TLL2: variants seen among roughly 807,000 people sequenced by gnomAD.
TLL2 encodes tolloid like 2.
Under a neutral mutation model 123.0 loss-of-function variants are expected in TLL2, and 106 were observed. The ratio of observed to expected loss-of-function variants is 0.86; its 90% CI spans 0.74 to 1.01. TLL2 has a LOEUF of 1.01. Ranked by LOEUF, TLL2 falls within the 50% of genes least tolerant of loss-of-function variation. The pLI, the probability that TLL2 is intolerant of heterozygous loss-of-function variation, is 0.00. For synonymous variants in TLL2, 494 were observed against 516.8 expected, an observed-to-expected ratio of 0.96 and a Z score of 0.60; for missense variants, 1,332 against 1,336.7, an observed-to-expected ratio of 1.00 and a Z score of 0.06.
chr10:96,383,834 T>C (rs1329855094), intron 16 of TLL2, among the ~76,000 whole-genome samples: 5 of 150,114 alleles, frequency 3.3e-5, no homozygotes, highest in Non-Finnish European at 7.4e-5. Context: ...CGTTTCACCA[T>C]GTTGGCCAGG....
In TLL2 at chr10:96,487,328, C is replaced by T. The variant is rs376503380; in HGVS notation, c.176-6869G>A. Among the ~76,000 whole-genome samples, 6 of 152,202 alleles carry T rather than the reference C, an allele frequency of 3.9e-5. No homozygotes were observed. The South Asian group carries it at 6.2e-4, about 16-fold the overall frequency. ...CTGGTTCCTGTCTCTCTCCCTCCCC[C>T]ACCTGTCCTCATCCAGAAGACCCCA... On this transcript the variant is annotated intron_variant, in intron 1 of 20. Coordinates refer to ENST00000357947, the MANE Select transcript of TLL2 (RefSeq NM_012465.4).
intron 1 of TLL2, among the ~76,000 whole-genome samples, chr10:96,511,192 G>C (rs772106687): frequency 6.6e-6 from 1 of 152,170 alleles, no homozygotes; most frequent in Non-Finnish European, 1.5e-5. Context: ...AGAATGGGAG[G>C]CTGCCCCTAA....
chr10:96,471,132 C>T (rs1234137478), intron 2 of TLL2, among the ~76,000 whole-genome samples: 2 of 151,668 alleles, frequency 1.3e-5, no homozygotes, highest in Non-Finnish European at 2.9e-5. Context: ...CCCTGAGTAG[C>T]TGGGATTACA....
chr10:96,497,035 C>T (rs1193680886), intron 1 of TLL2, among the ~76,000 whole-genome samples: 4 of 151,878 alleles, frequency 2.6e-5, no homozygotes, highest in African/African-American at 9.7e-5. Flanking sequence ...AATCCCAGCA[C>T]TTTGGGAGGC....
chr10:96,480,484 T>C, intron 1 of TLL2, 25 bp from the exon 2 acceptor site: 1 of 1,566,482 alleles, frequency 6.4e-7, no homozygotes, highest in South Asian at 1.1e-5. Context: ...CATAAGTGGG[T>C]GAATTTATGC....
intron 2 of TLL2, among the ~76,000 whole-genome samples, chr10:96,476,980 G>A: frequency 6.7e-6 from 1 of 149,614 alleles, no homozygotes; most frequent in Non-Finnish European, 1.5e-5. Flanking sequence ...CTTTGGGGCT[G>A]GGATAACAGG....
At chr10:96,403,207 G>A (rs1244636077) in intron 10 of TLL2, among the ~76,000 whole-genome samples, 1 of 152,088 alleles carries the variant, frequency 6.6e-6, no homozygotes, top group African/African-American at 2.4e-5. Flanking sequence ...GTCTACTCCC[G>A]AGACACTGCA....
At chr10:96,476,240 A>ATATATATATATTTTTTTTTTTTTTTT in intron 2 of TLL2, among the ~76,000 whole-genome samples, 1 of 20,500 alleles carries the variant, frequency 4.9e-5, no homozygotes, top group Non-Finnish European at 1.0e-4. Flanking sequence ...ATATATATAT[A>ATATATATATATTTTTTTTTTTTTTTT]TTTTATTTTT....
At chr10:96,439,682 A>G (rs952297497) in intron 3 of TLL2, among the ~76,000 whole-genome samples, 15 of 152,280 alleles carry the variant, frequency 9.9e-5, no homozygotes, top group Non-Finnish European at 1.6e-4. Flanking sequence ...CTCTACTTGT[A>G]TAACGGGTTC....
Position 96,429,351 on chromosome 10 carries a change from A to G in TLL2, c.521-603T>C, listed in dbSNP as rs975532425. On this transcript the variant is annotated intron_variant, in intron 4 of 20. Transcript: ENST00000357947. ...GAATATATACAATTTTTATTTGTCA[A>G]TTAAATATTTTCAAAAAAAAAAAAA... Among the ~76,000 whole-genome samples, 8 of 114,532 alleles carry G rather than the reference A, an allele frequency of 7.0e-5. No individual in the cohort carries two copies. The East Asian group carries it at 1.6e-3, about 23-fold the overall frequency. The allele number at this position is 114,532 out of a possible 152,430, so 75.1% of individuals were successfully genotyped here. A position where few individuals can be genotyped will look rare whatever the true frequency, so the allele number is the denominator to read the frequency against.
intron 1 of TLL2, among the ~76,000 whole-genome samples, chr10:96,502,882 G>A (rs1214666529): frequency 6.6e-6 from 1 of 152,054 alleles, no homozygotes; most frequent in Non-Finnish European, 1.5e-5. Context: ...AAAGACTCAG[G>A]GCTGAACATC....
intron 1 of TLL2, among the ~76,000 whole-genome samples, chr10:96,510,905 G>A (rs1461270675): frequency 6.6e-6 from 1 of 152,162 alleles, no homozygotes; most frequent in African/African-American, 2.4e-5. Flanking sequence ...CAAGCTCTCT[G>A]GACATGTCAC....
chr10:96,448,024 C>T (rs1036553923), intron 2 of TLL2, among the ~76,000 whole-genome samples: 5 of 152,160 alleles, frequency 3.3e-5, no homozygotes, highest in African/African-American at 9.7e-5. Context: ...GAGACAGCCA[C>T]GTGGTCCCGC....
At chr10:96,512,721 C>T (rs1187146940) in intron 1 of TLL2, among the ~76,000 whole-genome samples, 3 of 152,270 alleles carry the variant, frequency 2.0e-5, no homozygotes, top group African/African-American at 7.2e-5. Context: ...CTTGCTGGAA[C>T]ATGCGCTTGG....
rs1846105107 is a variant in TLL2, at chr10:96,373,624, C to T, written c.2634G>A (p.Arg878=). The T allele has an allele frequency of 1.2e-6, 2 of 1,614,116 alleles. No homozygotes were observed. Among genetic ancestry groups the T allele is most frequent in the Non-Finnish European group, 1.7e-6 (2 of 1,180,054 alleles). The change falls in exon 19 of 21, where the codon AGG becomes AGA. Residue 878 remains arginine, a synonymous_variant. Coordinates refer to ENST00000357947, the MANE Select transcript of TLL2 (RefSeq NM_012465.4). ...TGCTGTGCACTGCCTGGAAGCCTTT[C>T]CTCTGCACTGAGGCATCCGAATAAA... The part of the protein sequence containing the change: ...LRFYSDASVQ[R]KGFQAVHSTE...
chr10:96,395,909 C>A lies in TLL2; in HGVS notation c.1496G>T (p.Gly499Val), dbSNP rs761189673. The stretch of plus-strand genomic sequence containing the variant: ...TTGGAAGGTAAGTCCCACGTGAAAC[C>A]CCTCTGAAACCGTAATCCTCCAGAC... ...ECVWRITVSE[G>V]FHVGLTFQAF... Residue 499 changes from glycine to valine, a missense_variant, in exon 12 of 21, where the codon GGG becomes GTG. By Grantham distance (109) the Gly-to-Val change is moderately radical. Transcript: ENST00000357947. 3.1e-6 allele frequency: 5 copies of A among 1,614,172 alleles called. No homozygotes were observed. The South Asian group carries it at 5.5e-5, about 18-fold the overall frequency.
At chr10:96,434,163 C>T (rs920942863) in intron 3 of TLL2, among the ~76,000 whole-genome samples, 2 of 152,070 alleles carry the variant, frequency 1.3e-5, no homozygotes, top group Non-Finnish European at 2.9e-5. Flanking sequence ...CATTTCCTTC[C>T]TAGCTTCTTT....
intron 1 of TLL2, among the ~76,000 whole-genome samples, chr10:96,487,349 C>A (rs558966698): frequency 6.6e-6 from 1 of 152,296 alleles, no homozygotes; most frequent in East Asian, 1.9e-4. Context: ...ATCCAGAAGA[C>A]CCCACCCTGC....
chr10:96,488,008 C>G (rs1385403502), intron 1 of TLL2, among the ~76,000 whole-genome samples: 1 of 152,202 alleles, frequency 6.6e-6, no homozygotes, highest in African/African-American at 2.4e-5. Flanking sequence ...GCCTGGGAAG[C>G]CTTGGACAAA....
Sources: gnomAD v4.1 joint callset for allele counts (sites outside exome capture counted in the v4.1 genomes callset) on GRCh38, gnomAD v4.1.1 for gene constraint, MANE v1.5 for transcripts, NCBI Gene and HGNC (gene_info 2026-07-23, HGNC 2026-07-21) for gene names.